Variants in FNDC3A observed in about 807,000 individuals in gnomAD.
FNDC3A encodes the protein fibronectin type III domain containing 3A.
Under a neutral mutation model 148.9 loss-of-function variants are expected in FNDC3A, and 32 were observed. The ratio of observed to expected loss-of-function variants is 0.21; its 90% CI spans 0.16 to 0.29. The LOEUF is 0.29. Ranked by LOEUF, FNDC3A falls within the 10% of genes least tolerant of loss-of-function variation. FNDC3A has a pLI of 1.00. For missense variants in FNDC3A, 1,191 were observed against 1,452.8 expected (o/e 0.82, Z 2.93); for synonymous variants, 472 against 473.6 (o/e 1.00, Z 0.04).
At chr13:49,184,417 A>T (rs750964388) in intron 14 of FNDC3A, among the ~76,000 whole-genome samples, 1 of 152,180 alleles carries the variant, frequency 6.6e-6, no homozygotes, top group East Asian at 1.9e-4. Context: ...AGGAGAAAGG[A>T]GGCTTTCATT....
intron 1 of FNDC3A, among the ~76,000 whole-genome samples, chr13:49,004,401 C>T (rs1434754549): frequency 6.6e-6 from 1 of 151,928 alleles, no homozygotes; most frequent in African/African-American, 2.4e-5. Context: ...TTAGTGTGTT[C>T]TAGTTTTAAA....
intron 8 of FNDC3A, among the ~76,000 whole-genome samples, chr13:49,154,412 A>G (rs1883525809): frequency 6.8e-6 from 1 of 147,448 alleles, no homozygotes. Context: ...GCTTAAGGAG[A>G]TTTTGGGCTG....
chr13:49,163,340 C>T (rs997370762), intron 8 of FNDC3A, among the ~76,000 whole-genome samples: 1 of 152,176 alleles, frequency 6.6e-6, no homozygotes, highest in African/African-American at 2.4e-5. Context: ...TCAGTAATGG[C>T]GGACGCTCCT....
At chr13:49,089,220 A>G (rs551378139) in intron 3 of FNDC3A, among the ~76,000 whole-genome samples, 1 of 152,324 alleles carries the variant, frequency 6.6e-6, no homozygotes, top group South Asian at 2.1e-4. Flanking sequence ...TTAAAAAATT[A>G]ATTTAGTAAA....
chr13:48,999,667 C>T (rs914966918), intron 1 of FNDC3A, among the ~76,000 whole-genome samples: 1 of 151,970 alleles, frequency 6.6e-6, no homozygotes, highest in Non-Finnish European at 1.5e-5. Flanking sequence ...CCCCTAACCC[C>T]CAAAATGATA....
Position 49,175,442 on chromosome 13 carries a change from G to A in FNDC3A, c.1431G>A (p.Lys477=), listed in dbSNP as rs764368693. Reference sequence around the variant, plus strand: ...TGCCAGCAAGTCCTGTATTAACCAAGGCTGGAATTACTTGGTTATCCTTAC... The same window carrying A: ...TGCCAGCAAGTCCTGTATTAACCAAAGCTGGAATTACTTGGTTATCCTTAC... ...PSMPASPVLT[K]AGITWLSLQW... The change falls in exon 13 of 26, where the codon AAG becomes AAA. Residue 477 remains lysine, a synonymous_variant. Coordinates refer to ENST00000492622, the MANE Select transcript of FNDC3A (RefSeq NM_001079673.2). 14 of 1,613,118 alleles carry A rather than the reference G, an allele frequency of 8.7e-6. No homozygotes were observed.
intron 3 of FNDC3A, among the ~76,000 whole-genome samples, chr13:49,104,982 A>C (rs539814271): frequency 6.6e-6 from 1 of 152,342 alleles, no homozygotes; most frequent in South Asian, 2.1e-4. Flanking sequence ...TACATCATAA[A>C]ATATATGAAA....
intron 1 of FNDC3A, among the ~76,000 whole-genome samples, chr13:49,002,965 A>G (rs1952152875): frequency 1.3e-5 from 2 of 152,168 alleles, no homozygotes; most frequent in Non-Finnish European, 2.9e-5. Flanking sequence ...ATAATGTCAA[A>G]CTTTTCCTAA....
rs564939152 is a variant in FNDC3A at position 49,065,637 on chromosome 13, TA to T, written c.100-9651del. Among the ~76,000 whole-genome samples, 766 of 152,258 alleles carry T rather than the reference TA, an allele frequency of 5.0e-3. 9 individuals carry two copies. Among genetic ancestry groups the T allele is most frequent in the African/African-American group, 0.018 (740 of 41,536 alleles). ...TGTGTTTAAAGAAAATGGTGTGTAT[TA>T]GGGGAGGCTGGTATTTCTGTGTGCA... On this transcript the variant is annotated intron_variant, in intron 2 of 25. Transcript: ENST00000492622.
intron 1 of FNDC3A, among the ~76,000 whole-genome samples, chr13:48,992,073 G>A: frequency 1.3e-5 from 2 of 152,262 alleles, no homozygotes; most frequent in South Asian, 4.1e-4. Flanking sequence ...CCATCATAAA[G>A]TCCAAAAATT....
rs546403471 is a variant in FNDC3A, at chr13:49,117,456, A to G, written c.252+2725A>G. ...CTCCATTTCTGCCTTTTAAAATTCT[A>G]CCCATCCTTGAGGGCCTACCTAGAT... On this transcript the variant is annotated intron_variant, in intron 4 of 25. Coordinates refer to ENST00000492622, the MANE Select transcript of FNDC3A (RefSeq NM_001079673.2). Among the ~76,000 whole-genome samples the G allele has an allele frequency of 3.5e-4, 53 of 152,174 alleles. 1 individual carries two copies. Among genetic ancestry groups the G allele is most frequent in the Middle Eastern group, 6.8e-3 (2 of 294 alleles).
At chr13:48,976,990 C>T (rs1315857011) in intron 1 of FNDC3A, 1 of 152,104 alleles carries the variant, frequency 6.6e-6, no homozygotes, top group African/African-American at 2.4e-5. Flanking sequence ...TGGATGTGGT[C>T]GTTAATTGTT....
intron 3 of FNDC3A, among the ~76,000 whole-genome samples, chr13:49,098,384 C>T (rs1879661792): frequency 6.6e-6 from 1 of 152,052 alleles, no homozygotes; most frequent in African/African-American, 2.4e-5. Flanking sequence ...GTTATTGAGG[C>T]ATAGTTAACC....
chr13:49,198,625 T>C, intron 23 of FNDC3A, 51 bp downstream of exon 23: 2 of 1,395,878 alleles, frequency 1.4e-6, no homozygotes, highest in South Asian at 1.2e-5. Context: ...CTTAAGTATA[T>C]ACATTTCTGT....
At chr13:49,125,296 C>T (rs546108437) in intron 4 of FNDC3A, among the ~76,000 whole-genome samples, 1 of 151,998 alleles carries the variant, frequency 6.6e-6, no homozygotes, top group East Asian at 1.9e-4. Context: ...ATGGGGAGAC[C>T]TAAGAGATTT....
chr13:49,040,371 A>T (rs1056324761), intron 2 of FNDC3A, among the ~76,000 whole-genome samples: 2 of 152,198 alleles, frequency 1.3e-5, no homozygotes, highest in African/African-American at 4.8e-5. Flanking sequence ...TAATAACTCA[A>T]CCCAGATATT....
intron 2 of FNDC3A, among the ~76,000 whole-genome samples, chr13:49,047,874 A>G (rs977728493): frequency 5.3e-5 from 8 of 152,090 alleles, no homozygotes; most frequent in South Asian, 4.1e-4. Flanking sequence ...GCTTAAGCCA[A>G]TGTCTAGAAG....
intron 3 of FNDC3A, among the ~76,000 whole-genome samples, chr13:49,101,622 T>C (rs1487700199): frequency 1.3e-5 from 2 of 152,134 alleles, no homozygotes; most frequent in Non-Finnish European, 2.9e-5. Context: ...TCAACTCTTC[T>C]TTTAATTTGC....
intron 2 of FNDC3A, among the ~76,000 whole-genome samples, chr13:49,016,666 C>T (rs891598279): frequency 1.8e-4 from 28 of 152,194 alleles, no homozygotes; most frequent in African/African-American, 6.5e-4. Context: ...TTTGCTCTTG[C>T]TTTTCTAATT....
Sources: gnomAD v4.1 joint callset for allele counts (sites outside exome capture counted in the v4.1 genomes callset) on GRCh38, gnomAD v4.1.1 for gene constraint, MANE v1.5 for transcripts, NCBI Gene and HGNC (gene_info 2026-07-23, HGNC 2026-07-21) for gene names.